SEMA3F: variants seen among roughly 807,000 people sequenced by gnomAD.
The protein encoded by SEMA3F is semaphorin-3F.
Under a neutral mutation model 98.5 loss-of-function variants are expected in SEMA3F, and 30 were observed. The ratio of observed to expected loss-of-function variants is 0.30; its 90% confidence interval spans 0.23 to 0.41. The LOEUF (loss-of-function observed/expected upper bound fraction) is 0.41, where lower values mean the gene tolerates loss of function less well. Ranked by LOEUF, SEMA3F falls within the 10% of genes least tolerant of loss-of-function variation. The pLI, the probability that SEMA3F is intolerant of heterozygous loss-of-function variation, is 1.00. For missense variants in SEMA3F, 866 were observed against 1,119.3 expected (o/e 0.77, Z 3.23); for synonymous variants, 380 against 444.8 (o/e 0.85, Z 1.83).
chr3:50,174,208 T>G (rs777282293), intron 4 of SEMA3F, 23 bp from the exon 5 acceptor site: 1 of 1,613,752 alleles, frequency 6.2e-7, no homozygotes, highest in Admixed American at 1.7e-5. Flanking sequence ...AGGGCACCTA[T>G]GCAGCCTTCC....
chr3:50,171,601 G>A (rs775732730), intron 2 of SEMA3F, among the ~76,000 whole-genome samples: 8 of 152,158 alleles, frequency 5.3e-5, no homozygotes, highest in African/African-American at 9.7e-5. Flanking sequence ...CCCCTGGCGG[G>A]CTGTCCCAGC....
chr3:50,180,172 CAG>C (rs1698965893), intron 7 of SEMA3F, among the ~76,000 whole-genome samples: 1 of 151,702 alleles, frequency 6.6e-6, no homozygotes, highest in Non-Finnish European at 1.5e-5. Flanking sequence ...TATTTTTTGA[CAG>C]AGTTACACTC....
Position 50,187,850 on chromosome 3 carries a change from G to T in SEMA3F, c.2093G>T (p.Gly698Val), listed in dbSNP as rs756141927. 3 of 1,613,208 alleles carry T rather than the reference G, an allele frequency of 1.9e-6. No homozygotes were observed. Among genetic ancestry groups the T allele is most frequent in the Admixed American group, 3.3e-5 (2 of 60,002 alleles). Residue 698 changes from glycine (G) to valine (V), a missense_variant, in exon 19 of 19, where the codon GGC (glycine) becomes GTC (valine). Gly to Val is a moderately radical substitution (Grantham distance 109). Coordinates refer to ENST00000002829, the MANE Select transcript of SEMA3F (RefSeq NM_004186.5). ...VVTRVQLHVL[G>V]RDAVHAALFP... The stretch of plus-strand genomic sequence containing the variant: ...ACACGAGTGCAGCTGCATGTACTGG[G>T]CCGGGACGCCGTCCATGCTGCCCTC...
intron 2 of SEMA3F, among the ~76,000 whole-genome samples, chr3:50,170,183 C>T (rs1698551231): frequency 6.6e-6 from 1 of 152,150 alleles, no homozygotes; most frequent in African/African-American, 2.4e-5. Context: ...GAACCTTACA[C>T]CTTCTTTGCT....
Position 50,176,879 on chromosome 3 carries a change from C to A in SEMA3F, c.643+18C>A. 1 of 1,592,384 alleles carries A rather than the reference C, an allele frequency of 6.3e-7. No individual in the cohort carries two copies. Among genetic ancestry groups the A allele is most frequent in the Non-Finnish European group, 8.6e-7 (1 of 1,160,702 alleles). On this transcript the variant is annotated intron_variant, in intron 7 of 18. Transcript: ENST00000002829. ...CCTCATCAGTGAGTGCCCCCCAACC[C>A]CGCTCTACAGTCTCAATGTGTGGCC...
chr3:50,185,553 C>A (rs1344263661), intron 14 of SEMA3F, 22 bp downstream of exon 14: 3 of 1,611,692 alleles, frequency 1.9e-6, no homozygotes, highest in East Asian at 2.2e-5. Context: ...ACCACCCAGT[C>A]CTGACCTCCC....
rs577217191 is a variant in SEMA3F, at chr3:50,171,415, G to C, written c.113-2378G>C. 3.3e-5 allele frequency among the ~76,000 whole-genome samples: 5 copies of C among 152,254 alleles called. No individual in the cohort carries two copies. In the South Asian group the frequency reaches 1.0e-3, roughly 32 times the overall value. On this transcript the variant is annotated intron_variant, in intron 2 of 18. Transcript: ENST00000002829. ...GGGTTGGAGCTTGGGGATTATGGCT[G>C]ATTGGGTTCCTGGGGGCTTAATGGC...
At chr3:50,176,942 C>T (rs1698839507) in intron 7 of SEMA3F, 81 bp downstream of exon 7, 3 of 1,154,338 alleles carry the variant, frequency 2.6e-6, no homozygotes, top group Non-Finnish European at 3.9e-6. Flanking sequence ...CAACACTTAC[C>T]CAAGGGCAGA....
chr3:50,184,277 G>C, intron 12 of SEMA3F: 2 of 421,836 alleles, frequency 4.7e-6, no homozygotes, highest in Non-Finnish European at 4.4e-6. Flanking sequence ...GAGACCCTAG[G>C]AACAACCAGA....
intron 17 of SEMA3F, 76 bp from the exon 18 acceptor site, chr3:50,186,537 T>C: frequency 1.3e-6 from 2 of 1,538,688 alleles, no homozygotes; most frequent in Non-Finnish European, 1.8e-6. Flanking sequence ...TGGGTGCCCC[T>C]CGGTGCCTGC....
intron 2 of SEMA3F, among the ~76,000 whole-genome samples, chr3:50,172,096 G>A (rs1010186495): frequency 2.0e-5 from 3 of 152,136 alleles, no homozygotes; most frequent in African/African-American, 7.2e-5. Context: ...CCCCCTCCAG[G>A]TGCCTTGGGG....
In SEMA3F at chr3:50,182,896, C is replaced by A. The variant is rs760303707; in HGVS notation, c.904-8C>A. ...TGATCTGACCCGGCCTCTTGCCCCA[C>A]CCCCCAGAACGATGACGGTGGTCAC... On this transcript the variant is annotated splice_polypyrimidine_tract_variant and splice_region_variant and intron_variant, in intron 9 of 18. Coordinates refer to ENST00000002829, the MANE Select transcript of SEMA3F (RefSeq NM_004186.5). This position sits in a 1 kb window ranked among gnomAD's most constrained non-coding sequence, Gnocchi z 4.5. 1.2e-6 allele frequency: 2 copies of A among 1,611,962 alleles called. No individual in the cohort carries two copies. The highest frequency in any genetic ancestry group is 1.7e-6 in the Non-Finnish European group (2 of 1,178,562).
chr3:50,181,298 G>GT (rs1042506050), intron 7 of SEMA3F, among the ~76,000 whole-genome samples: 19 of 150,556 alleles, frequency 1.3e-4, no homozygotes, highest in South Asian at 2.1e-4. Flanking sequence ...CTCTTTTTTT[G>GT]TTTTTTTGTG....
intron 5 of SEMA3F, 96 bp from the exon 6 acceptor site, chr3:50,175,000 G>A (rs1226799219): frequency 1.2e-6 from 1 of 820,810 alleles, no homozygotes; most frequent in African/African-American, 1.7e-5. Context: ...GTTCACGTGT[G>A]TTCCTGGCCT....
At chr3:50,170,681 C>T (rs555176514) in intron 2 of SEMA3F, among the ~76,000 whole-genome samples, 2 of 152,178 alleles carry the variant, frequency 1.3e-5, no homozygotes, top group Admixed American at 6.5e-5. Flanking sequence ...GCTCAGAGAG[C>T]GAGAGTGCCC....
intron 1 of SEMA3F, 102 bp from the exon 2 acceptor site, chr3:50,159,473 G>T: frequency 1.7e-6 from 1 of 583,668 alleles, no homozygotes. Context: ...CCAGGCTGGG[G>T]GTGGAAGCGT....
rs751135620 is a variant in SEMA3F, at chr3:50,182,375, G to A, written c.735G>A (p.Thr245=). The A allele has an allele frequency of 1.2e-5, 20 of 1,613,982 alleles. No homozygotes were observed. Among genetic ancestry groups the A allele is most frequent in the Non-Finnish European group, 1.6e-5 (19 of 1,180,026 alleles). Residue 245 remains threonine (T), a synonymous_variant, in exon 8 of 19, where the codon ACG becomes ACA. Coordinates refer to ENST00000002829, the MANE Select transcript of SEMA3F (RefSeq NM_004186.5). The surrounding 1 kb of genome is among the most constrained non-coding windows in gnomAD (Gnocchi z 4.5). ...RTLGKQTAMR[T]DQYNSRWLND... ...TTGGAAAGCAGACAGCCATGCGCAC[G>A]GATCAGTACAACTCCCGGTGGCTGA...
rs892583528 is a variant in SEMA3F at position 50,158,532 on chromosome 3, G to A, written c.-48-1043G>A. ...CAGGGGAGTCCCAGGCCATAGTACT[G>A]CCAACTCCCATCCCAGCATCCTAGA... On this transcript the variant is annotated intron_variant, in intron 1 of 18. Coordinates refer to ENST00000002829, the MANE Select transcript of SEMA3F (RefSeq NM_004186.5). This position sits in a 1 kb window ranked among gnomAD's most constrained non-coding sequence, Gnocchi z 4.8. 6.6e-6 allele frequency among the ~76,000 whole-genome samples: 1 copy of A among 152,206 alleles called. No individual in the cohort carries two copies. The highest frequency in any genetic ancestry group is 1.5e-5 in the Non-Finnish European group (1 of 68,028).
In SEMA3F at chr3:50,166,651, C is replaced by T. The variant is rs989824205; in HGVS notation, c.112+6917C>T. On this transcript the variant is annotated intron_variant, in intron 2 of 18. Coordinates refer to ENST00000002829, the MANE Select transcript of SEMA3F (RefSeq NM_004186.5). The surrounding 1 kb of genome is among the most constrained non-coding windows in gnomAD (Gnocchi z 4.7). Reference sequence around the variant, plus strand: ...ACTGTCTGGAACATCCCGGGAATCTCTGGGTGGGTGTTGTGAAGGGGCTGC... The same window carrying T: ...ACTGTCTGGAACATCCCGGGAATCTTTGGGTGGGTGTTGTGAAGGGGCTGC... Among the ~76,000 whole-genome samples, 1 of 152,108 alleles carries T rather than the reference C, an allele frequency of 6.6e-6. No individual in the cohort carries two copies. The highest frequency in any genetic ancestry group is 1.5e-5 in the Non-Finnish European group (1 of 68,034).
Sources: allele counts gnomAD v4.1 joint callset (sites outside exome capture counted in the v4.1 genomes callset), GRCh38; gene constraint gnomAD v4.1.1; non-coding constraint Gnocchi (gnomAD v3.1); transcripts MANE v1.5; gene names NCBI Gene and HGNC (gene_info 2026-07-23, HGNC 2026-07-21).